The following GALNT8 variants were observed in gnomAD, a reference collection of about 807,000 sequenced individuals.
GALNT8 encodes polypeptide N-acetylgalactosaminyltransferase 8, also known as probable polypeptide N-acetylgalactosaminyltransferase 8.
Under a neutral mutation model 62.7 loss-of-function variants are expected in GALNT8, and 66 were observed. The ratio of observed to expected loss-of-function variants is 1.05; its 90% CI spans 0.86 to 1.29. GALNT8 has a LOEUF of 1.29. Ranked by LOEUF, GALNT8 falls within the 50% of genes most tolerant of loss-of-function variation. The pLI is 0.00. For missense variants in GALNT8, 771 were observed against 791.8 expected, an observed-to-expected ratio of 0.97 and a Z score of 0.32; for synonymous variants, 288 against 294.3, an observed-to-expected ratio of 0.98 and a Z score of 0.22.
chr12:4,746,878 G>C (rs1307268008), intron 6 of GALNT8, among the ~76,000 whole-genome samples: 1 of 152,096 alleles, frequency 6.6e-6, no homozygotes, highest in Admixed American at 6.6e-5. Context: ...GGGCAACATG[G>C]TGAAACCTTG....
chr12:4,761,037 C>A lies in GALNT8; in HGVS notation c.1253C>A (p.Ala418Asp). 1.2e-6 allele frequency: 2 copies of A among 1,614,048 alleles called. No homozygotes were observed. The highest frequency in any genetic ancestry group is 1.7e-6 in the Non-Finnish European group (2 of 1,179,988). The change falls in exon 7 of 11, where the codon GCC becomes GAC. Residue 418 changes from alanine (A) to aspartate (D), a missense_variant. Coordinates refer to ENST00000252318, the MANE Select transcript of GALNT8 (RefSeq NM_017417.2). ...CTAGAGAGACACCACAAGCCCTACG[C>A]CTTGGATCTCACCGCTGCCTTGAAG... ...AHLERHHKPYALDLTAALKRN... is the reference protein window; with the variant it reads ...AHLERHHKPYDLDLTAALKRN...
At chr12:4,732,573 A>T (rs888957373) in intron 2 of GALNT8, among the ~76,000 whole-genome samples, 2 of 87,712 alleles carry the variant, frequency 2.3e-5, no homozygotes, top group South Asian at 8.4e-4. Context: ...CTTTTTCAGT[A>T]TCTTCTGCTG....
intron 6 of GALNT8, among the ~76,000 whole-genome samples, chr12:4,758,764 A>G (rs541075450): frequency 7.0e-6 from 1 of 143,282 alleles, no homozygotes; most frequent in South Asian, 2.2e-4. Context: ...GCATTACTTC[A>G]TAAACGGCAA....
chr12:4,730,867 T>C (rs1011199052), intron 2 of GALNT8, among the ~76,000 whole-genome samples: 3 of 121,020 alleles, frequency 2.5e-5, no homozygotes, highest in African/African-American at 9.3e-5. Context: ...TTTTCTTTTC[T>C]TTTTTTTTTT....
At chr12:4,722,018 C>G (rs1452236614) in intron 1 of GALNT8, among the ~76,000 whole-genome samples, 1 of 152,150 alleles carries the variant, frequency 6.6e-6, no homozygotes, top group African/African-American at 2.4e-5. Flanking sequence ...GCCCTTAATC[C>G]ATTTAACCCT....
In GALNT8 at chr12:4,748,529, C is replaced by T. The variant is rs187007515; in HGVS notation, c.1173+2271C>T. 3.3e-5 allele frequency among the ~76,000 whole-genome samples: 5 copies of T among 152,116 alleles called. No homozygotes were observed. The East Asian group carries it at 9.7e-4, about 29-fold the overall frequency. ...CACCTTTGTCAAAAATGAGTTCACT[C>T]TAGGTGTGTGGGTTTGTTTCTGGGT... On this transcript the variant is annotated intron_variant, in intron 6 of 10. Coordinates refer to ENST00000252318, the MANE Select transcript of GALNT8 (RefSeq NM_017417.2).
In GALNT8 at chr12:4,726,882, A is replaced by T. The variant is rs757457225; in HGVS notation, c.509+53A>T. The T allele has an allele frequency of 2.1e-6, 3 of 1,452,678 alleles. No homozygotes were observed. Among genetic ancestry groups the T allele is most frequent in the Admixed American group, 1.9e-5 (1 of 52,212 alleles). 90.0% of individuals were successfully genotyped at this position (1,452,678 alleles called of 1,614,324 possible). On this transcript the variant is annotated intron_variant, in intron 2 of 10. Transcript: ENST00000252318. This position sits in a 1 kb window ranked among gnomAD's most constrained non-coding sequence, Gnocchi z 4.1. ...GGGTCCTCAGTTTGATTTGAGGATG[A>T]GCTTTGGGAGCAGTGAACATTGAAG...
At position 4,749,120 on chromosome 12, in the gene GALNT8, T is replaced by A. The variant is rs906560782; in HGVS notation, c.1173+2862T>A. 6.6e-6 allele frequency among the ~76,000 whole-genome samples: 1 copy of A among 152,142 alleles called. No individual in the cohort carries two copies. Among genetic ancestry groups the A allele is most frequent in the Non-Finnish European group, 1.5e-5 (1 of 67,996 alleles). ...ATAGTTTTTTGGTGGAGTCTTTATG[T>A]TTTTCCAATATAAGATTATGTCATC... On this transcript the variant is annotated intron_variant, in intron 6 of 10. Transcript: ENST00000252318. The surrounding 1 kb of genome is among the most constrained non-coding windows in gnomAD (Gnocchi z 4.1).
In GALNT8 at chr12:4,767,484, A is replaced by G. The variant is rs140154025; in HGVS notation, c.1761+1938A>G. Among the ~76,000 whole-genome samples the G allele has an allele frequency of 1.4e-3, 213 of 152,320 alleles. 1 individual carries two copies. In the East Asian group the frequency reaches 0.02, roughly 14 times the overall value. ...AAAGGTGATGCTGTCTTTGTGAGGA[A>G]GAGGGAGCAGATTTGTTTAATGTTG... is the stretch of plus-strand genomic sequence containing the variant. On this transcript the variant is annotated intron_variant, in intron 10 of 10. Transcript: ENST00000252318.
At chr12:4,771,450 A>C (rs915050493) in intron 10 of GALNT8, among the ~76,000 whole-genome samples, 1 of 152,114 alleles carries the variant, frequency 6.6e-6, no homozygotes, top group Non-Finnish European at 1.5e-5. Context: ...TGTTAGAGGC[A>C]GTTTGTGATT....
At position 4,765,479 on chromosome 12, in the gene GALNT8, A is replaced by G. The variant is rs781571524; in HGVS notation, c.1694A>G (p.Lys565Arg). ...CTGACAGACCCTGGCAAGGCGGAGA[A>G]GCCCACCTTAGAACCATGCTCCAAG... is the stretch of plus-strand genomic sequence containing the variant. ...RCLTDPGKAE[K>R]PTLEPCSKAA... The change falls in exon 10 of 11, where the codon AAG becomes AGG. Residue 565 changes from lysine (K) to arginine (R), a missense_variant. By Grantham distance (26) the Lys-to-Arg change is conservative (BLOSUM62 2). Coordinates refer to ENST00000252318, the MANE Select transcript of GALNT8 (RefSeq NM_017417.2). 7 of 1,612,370 alleles carry G rather than the reference A, an allele frequency of 4.3e-6. No individual in the cohort carries two copies. Among genetic ancestry groups the G allele is most frequent in the Non-Finnish European group, 5.9e-6 (7 of 1,179,818 alleles).
intron 7 of GALNT8, 39 bp downstream of exon 7, chr12:4,761,182 AGAG>A (rs778612793): frequency 6.4e-7 from 1 of 1,573,724 alleles, no homozygotes; most frequent in African/African-American, 1.3e-5. Context: ...GAAGAATGAA[AGAG>A]GAGGAGGTGG....
chr12:4,728,059 C>T (rs564003237), intron 2 of GALNT8, among the ~76,000 whole-genome samples: 3 of 152,198 alleles, frequency 2.0e-5, no homozygotes, highest in East Asian at 3.9e-4. Flanking sequence ...TATAGCCATC[C>T]TAGTGGGTCT....
chr12:4,744,755 A>G (rs1366880016), intron 4 of GALNT8, 55 bp downstream of exon 4: 7 of 1,195,426 alleles, frequency 5.9e-6, no homozygotes, highest in Non-Finnish European at 8.4e-6. Context: ...GATATTGTGC[A>G]TGTACTGAAC....
chr12:4,755,270 A>C (rs1946339575), intron 6 of GALNT8, among the ~76,000 whole-genome samples: 1 of 152,208 alleles, frequency 6.6e-6, no homozygotes, highest in African/African-American at 2.4e-5. Context: ...TCAAGGTCCT[A>C]CTTCTGGGAT....
At chr12:4,758,641 A>T (rs1034663309) in intron 6 of GALNT8, among the ~76,000 whole-genome samples, 8 of 55,072 alleles carry the variant, frequency 1.5e-4, no homozygotes, top group Middle Eastern at 0.011. Context: ...TGTGTGTGAG[A>T]GAGAGAGAGA....
intron 10 of GALNT8, among the ~76,000 whole-genome samples, chr12:4,767,158 A>G (rs1290373201): frequency 6.6e-6 from 1 of 152,046 alleles, no homozygotes; most frequent in African/African-American, 2.4e-5. Flanking sequence ...CTTAGACATC[A>G]TCTTCCTTGG....
At chr12:4,730,886 A>T (rs1946218983) in intron 2 of GALNT8, among the ~76,000 whole-genome samples, 1 of 141,746 alleles carries the variant, frequency 7.1e-6, no homozygotes, top group African/African-American at 2.6e-5. Flanking sequence ...TTTTTTTGAG[A>T]CGGAGTCTCT....
rs16931692 is a variant in GALNT8, at chr12:4,772,572, A to G, written c.1889A>G (p.Asp630Gly). Residue 630 changes from aspartate (D) to glycine (G), a missense_variant, in exon 11 of 11, where the codon GAC (aspartate) becomes GGC (glycine). Asp to Gly is a moderately conservative substitution (Grantham distance 94, BLOSUM62 -1). Transcript: ENST00000252318. ...TGGGAAATCCAGCACACTGTCAGAGACTGGGGTCAGACCAACAGCCAGTGA... is the reference window on the plus strand; with the variant it reads ...TGGGAAATCCAGCACACTGTCAGAGGCTGGGGTCAGACCAACAGCCAGTGA... ...QVWEIQHTVR[D>G]WGQTNSQ is the part of the protein sequence containing the mutation. The G allele has an allele frequency of 8.5e-4, 1,373 of 1,613,816 alleles. 6 individuals carry two copies. Among genetic ancestry groups the G allele is most frequent in the Middle Eastern group, 5.8e-3 (35 of 5,990 alleles).
Sources: gnomAD v4.1 joint callset for allele counts (sites outside exome capture counted in the v4.1 genomes callset) on GRCh38, gnomAD v4.1.1 for gene constraint, Gnocchi (gnomAD v3.1) non-coding constraint, MANE v1.5 for transcripts, NCBI Gene and HGNC (gene_info 2026-07-23, HGNC 2026-07-21) for gene names.